The following COMMD7 variants were observed in gnomAD, a reference collection of about 807,000 sequenced individuals.
COMMD7 encodes COMM domain containing 7, also known as COMM domain-containing protein 7.
In COMMD7, 28 loss-of-function variants were observed where a neutral mutation model predicts 34.8. The observed-to-expected ratio is 0.80, with a 90% CI of 0.60 to 1.10. COMMD7 has a LOEUF of 1.10. COMMD7 is among the 50% of genes least tolerant of loss of function. The pLI is 0.00. For missense variants in COMMD7, 211 were observed against 241.6 expected (o/e 0.87, Z 0.84); for synonymous variants, 80 against 86.4 (o/e 0.93, Z 0.41).
intron 1 of COMMD7, among the ~76,000 whole-genome samples, chr20:32,742,940 C>T (rs60174792): frequency 0.029 from 4,430 of 152,206 alleles, 202 homozygotes; most frequent in African/African-American, 0.1. Context: ...TCTGTTCCTT[C>T]AGTTCCCCAA....
At chr20:32,711,380 G>C (rs143961799) in intron 3 of COMMD7, among the ~76,000 whole-genome samples, 2,951 of 145,594 alleles carry the variant, frequency 0.02, 115 homozygotes, top group African/African-American at 0.071. Context: ...CTGGACGACG[G>C]AGTGAGACTC....
chr20:32,707,084 T>G (rs1984129869), intron 3 of COMMD7, among the ~76,000 whole-genome samples: 1 of 143,384 alleles, frequency 7.0e-6, no homozygotes, highest in South Asian at 2.2e-4. Context: ...CCATCCTGGC[T>G]AACATGGTGA....
chr20:32,731,244 G>C (rs895115420), intron 1 of COMMD7, among the ~76,000 whole-genome samples: 2 of 152,134 alleles, frequency 1.3e-5, no homozygotes, highest in African/African-American at 4.8e-5. Flanking sequence ...CTTCAGCCCA[G>C]GCATTCCAAG....
At chr20:32,706,996 G>T (rs542049540) in intron 3 of COMMD7, among the ~76,000 whole-genome samples, 1 of 151,224 alleles carries the variant, frequency 6.6e-6, no homozygotes, top group South Asian at 2.1e-4. Flanking sequence ...TATTTTTGCC[G>T]GGCACGGTAG....
intron 3 of COMMD7, among the ~76,000 whole-genome samples, chr20:32,716,940 C>T (rs74352553): frequency 0.18 from 26,882 of 151,748 alleles, 3,066 homozygotes; most frequent in Non-Finnish European, 0.25. Context: ...CTCCCCGCCT[C>T]CCGGGTTCAG....
chr20:32,704,826 A>C lies in COMMD7; in HGVS notation c.415T>G (p.Trp139Gly), dbSNP rs1400168997. Residue 139 changes from tryptophan (W) to glycine (G), a missense_variant, in exon 6 of 9, where the codon TGG (tryptophan) becomes GGG (glycine). By Grantham distance (184) the Trp-to-Gly change is radical (BLOSUM62 -2). Coordinates refer to ENST00000278980, the MANE Select transcript of COMMD7 (RefSeq NM_053041.3). The stretch of plus-strand genomic sequence containing the variant: ...TGTAACTAGTTACCTCCAAATTTCC[A>C]CTCCATATCTATGAGCTGGTTAATC... ...LMINQLIDME[W>G]KFGVTSGSSE... is the part of the protein sequence containing the mutation. The C allele has an allele frequency of 1.9e-6, 3 of 1,613,224 alleles. No homozygotes were observed. The Admixed American group carries it at 5.0e-5, about 27-fold the overall frequency.
intron 3 of COMMD7, among the ~76,000 whole-genome samples, chr20:32,714,496 T>A (rs1453405193): frequency 2.0e-5 from 3 of 151,246 alleles, no homozygotes; most frequent in Non-Finnish European, 4.4e-5. Flanking sequence ...GAGACCAGCC[T>A]GGCCAATATG....
chr20:32,743,236 G>GT, intron 1 of COMMD7, 72 bp downstream of exon 1: 1 of 555,858 alleles, frequency 1.8e-6, no homozygotes, highest in Non-Finnish European at 3.1e-6. Flanking sequence ...ACCCCCGGAC[G>GT]TCCCCCCCAC....
chr20:32,713,726 A>C (rs1984605705), intron 3 of COMMD7, among the ~76,000 whole-genome samples: 1 of 148,956 alleles, frequency 6.7e-6, no homozygotes, highest in Non-Finnish European at 1.5e-5. Flanking sequence ...ACATCAATGA[A>C]CTGAACAGAC....
chr20:32,743,204 T>A, intron 1 of COMMD7, 104 bp downstream of exon 1: 1 of 970,972 alleles, frequency 1.0e-6, no homozygotes, highest in Middle Eastern at 3.2e-4. Flanking sequence ...CCGCTCTGTC[T>A]AGTCTCTCCC....
At chr20:32,721,788 C>A (rs992482859) in intron 3 of COMMD7, among the ~76,000 whole-genome samples, 1 of 151,908 alleles carries the variant, frequency 6.6e-6, no homozygotes, top group African/African-American at 2.4e-5. Context: ...GCCAGCTACT[C>A]GGGAGGCTAA....
In COMMD7 at chr20:32,722,232, C is replaced by T. The variant is rs545165796; in HGVS notation, c.241+5661G>A. On this transcript the variant is annotated intron_variant, in intron 3 of 8. Coordinates refer to ENST00000278980, the MANE Select transcript of COMMD7 (RefSeq NM_053041.3). ...TGTACTCCAGCCTGGGTGACAAGAG[C>T]AAAACTCTGTCTCGAAAAAAAAAAA... 5.1e-3 allele frequency among the ~76,000 whole-genome samples: 248 copies of T among 48,484 alleles called. 2 individuals are homozygous for T. Among genetic ancestry groups the T allele is most frequent in the South Asian group, 0.03 (41 of 1,380 alleles). The allele number at this position is 48,484 out of a possible 152,430, so 31.8% of individuals were successfully genotyped here.
intron 3 of COMMD7, among the ~76,000 whole-genome samples, chr20:32,710,551 G>A (rs1300501182): frequency 6.6e-6 from 1 of 151,584 alleles, no homozygotes; most frequent in African/African-American, 2.4e-5. Flanking sequence ...GGCAATACAG[G>A]GAGACCCCAT....
chr20:32,704,198 C>T (rs1460547061), intron 7 of COMMD7, 127 bp from the exon 8 acceptor site: 4 of 852,622 alleles, frequency 4.7e-6, no homozygotes, highest in Admixed American at 5.8e-5. Flanking sequence ...GATCATCCAC[C>T]ACCGAAAATT....
At chr20:32,704,726 C>A in intron 6 of COMMD7, 88 bp downstream of exon 6, 1 of 979,540 alleles carries the variant, frequency 1.0e-6, no homozygotes, top group Non-Finnish European at 1.6e-6. Flanking sequence ...GGGACTAGGT[C>A]ATGCCTTCCC....
In COMMD7 at chr20:32,703,354, G is replaced by A. The variant is rs199516403; in HGVS notation, c.*28C>T. The A allele has an allele frequency of 4.6e-5, 73 of 1,602,604 alleles. No homozygotes were observed. The African/African-American group carries it at 6.4e-4, about 14-fold the overall frequency. On this transcript the variant is annotated 3_prime_UTR_variant, in exon 9 of 9. Transcript: ENST00000278980. ...CAGGGAAGGGAGGAGGGCAGGGAAC[G>A]GGGCCAGGGGAGATGCAGGGACAGA...
intron 3 of COMMD7, among the ~76,000 whole-genome samples, chr20:32,721,968 G>A (rs2145747540): frequency 6.6e-6 from 1 of 152,088 alleles, no homozygotes; most frequent in South Asian, 2.1e-4. Flanking sequence ...GGCTGAGGCA[G>A]GAGAATCGCT....
intron 3 of COMMD7, among the ~76,000 whole-genome samples, chr20:32,717,043 G>A (rs1449531826): frequency 6.6e-6 from 1 of 152,120 alleles, no homozygotes; most frequent in Non-Finnish European, 1.5e-5. Context: ...GTATCAGCCA[G>A]AATGGTCTTG....
At position 32,719,271 on chromosome 20, in the gene COMMD7, T is replaced by C. The variant is rs115232721; in HGVS notation, c.241+8622A>G. Among the ~76,000 whole-genome samples the C allele has an allele frequency of 7.7e-3, 1,170 of 152,258 alleles. 13 individuals are homozygous for C. Among genetic ancestry groups the C allele is most frequent in the African/African-American group, 0.027 (1,125 of 41,550 alleles). The stretch of plus-strand genomic sequence containing the variant: ...GAGGTGGAGATGTAACTGCCATAAC[T>C]AGGCATGTAGGGCTAAGAAACTGTT... On this transcript the variant is annotated intron_variant, in intron 3 of 8. Transcript: ENST00000278980.
Sources: gnomAD v4.1 joint callset for allele counts (sites outside exome capture counted in the v4.1 genomes callset) on GRCh38, gnomAD v4.1.1 for gene constraint, MANE v1.5 for transcripts, NCBI Gene and HGNC (gene_info 2026-07-23, HGNC 2026-07-21) for gene names.